Variants in TRPM6 observed in about 807,000 individuals in gnomAD.
TRPM6 encodes the protein channel kinase 2.
A neutral mutation model predicts 247.6 loss-of-function variants in TRPM6; 111 were observed. That is an observed-to-expected ratio of 0.45 (90% CI 0.38 to 0.52). TRPM6 has a LOEUF of 0.52. TRPM6 is among the 20% of genes least tolerant of loss of function. The pLI is 0.00. For missense variants in TRPM6, 2,126 were observed against 2,421.5 expected (o/e 0.88, Z 2.56); for synonymous variants, 892 against 853.8 (o/e 1.04, Z -0.78).
At position 74,827,854 on chromosome 9, in the gene TRPM6, G is replaced by C. The variant is rs753317607; in HGVS notation, c.765C>G (p.Thr255=). The change falls in exon 7 of 39, where the codon ACC becomes ACG. Residue 255 remains threonine, a synonymous_variant. Transcript: ENST00000360774. ...HSHFILSDDG[T]VGKYGNEMKL... ...TCATTTCATTTCCATACTTGCCCAC[G>C]GTCCCATCATCAGACAGGATGAAGT... 1.9e-5 allele frequency: 31 copies of C among 1,613,828 alleles called. No individual in the cohort carries two copies. The highest frequency in any genetic ancestry group is 2.3e-5 in the Non-Finnish European group (27 of 1,180,016).
chr9:74,774,930 A>C (rs1317268923), intron 24 of TRPM6, among the ~76,000 whole-genome samples: 1 of 152,224 alleles, frequency 6.6e-6, no homozygotes. Flanking sequence ...TTCAGTTTTC[A>C]GAGGTATTTT....
At chr9:74,772,171 C>T (rs1392889523) in intron 24 of TRPM6, among the ~76,000 whole-genome samples, 2 of 152,266 alleles carry the variant, frequency 1.3e-5, no homozygotes, top group South Asian at 2.1e-4. Flanking sequence ...CCCAGCTACA[C>T]AGGAAACTGA....
At chr9:74,815,168 A>C (rs1828883135) in intron 11 of TRPM6, among the ~76,000 whole-genome samples, 1 of 152,106 alleles carries the variant, frequency 6.6e-6, no homozygotes. Flanking sequence ...AAAACATATG[A>C]TTGCCAAGTT....
intron 1 of TRPM6, among the ~76,000 whole-genome samples, chr9:74,873,045 G>A (rs1222514019): frequency 2.0e-5 from 3 of 152,162 alleles, no homozygotes; most frequent in African/African-American, 4.8e-5. Flanking sequence ...AGCATTGCCT[G>A]CCACATCTTG....
intron 12 of TRPM6, 55 bp downstream of exon 12, chr9:74,812,244 T>C: frequency 3.1e-6 from 5 of 1,609,750 alleles, no homozygotes; most frequent in Non-Finnish European, 4.2e-6. Context: ...TGCTTGATGA[T>C]CCTTGCTCTT....
chr9:74,875,054 C>A (rs892544663), intron 1 of TRPM6, among the ~76,000 whole-genome samples: 3 of 151,990 alleles, frequency 2.0e-5, no homozygotes, highest in Non-Finnish European at 4.4e-5. Context: ...CATAAGCCAC[C>A]ATGCCTGGCC....
chr9:74,848,497 G>A (rs1262936757), intron 3 of TRPM6, among the ~76,000 whole-genome samples: 1 of 152,134 alleles, frequency 6.6e-6, no homozygotes, highest in Non-Finnish European at 1.5e-5. Flanking sequence ...CCCATAAATT[G>A]CTTTTTTTCT....
intron 1 of TRPM6, among the ~76,000 whole-genome samples, chr9:74,863,037 T>G (rs926512968): frequency 6.6e-6 from 1 of 151,804 alleles, no homozygotes; most frequent in Non-Finnish European, 1.5e-5. Flanking sequence ...TTTTGTTTTG[T>G]TTTTTGTTTG....
intron 3 of TRPM6, among the ~76,000 whole-genome samples, chr9:74,848,368 G>A (rs929013923): frequency 2.0e-5 from 3 of 152,126 alleles, no homozygotes; most frequent in Admixed American, 6.5e-5. Context: ...AGCCACTAAC[G>A]GGTGGGGAGC....
chr9:74,860,493 G>C (rs1830662338), intron 1 of TRPM6, among the ~76,000 whole-genome samples: 1 of 152,006 alleles, frequency 6.6e-6, no homozygotes, highest in Non-Finnish European at 1.5e-5. Context: ...TGAGTAGGTG[G>C]GATGATAGGC....
chr9:74,783,076 T>C (rs1017305749), intron 21 of TRPM6, among the ~76,000 whole-genome samples: 2 of 152,298 alleles, frequency 1.3e-5, no homozygotes, highest in Admixed American at 1.3e-4. Context: ...AATATAAATG[T>C]GCTGAGAGGA....
intron 30 of TRPM6, among the ~76,000 whole-genome samples, 165 bp from the exon 31 acceptor site, chr9:74,748,079 A>C (rs1826113345): frequency 6.6e-6 from 1 of 152,220 alleles, no homozygotes; most frequent in South Asian, 2.1e-4. Flanking sequence ...TTTGGTCAAC[A>C]ACAGACAGCA....
chr9:74,872,201 G>C (rs1287190112), intron 1 of TRPM6, among the ~76,000 whole-genome samples: 3 of 152,134 alleles, frequency 2.0e-5, no homozygotes, highest in Non-Finnish European at 4.4e-5. Context: ...GGCCAGGGTA[G>C]CCTTGAACTC....
chr9:74,756,731 C>A (rs182626594), intron 27 of TRPM6, among the ~76,000 whole-genome samples: 9 of 150,080 alleles, frequency 6.0e-5, no homozygotes, highest in Admixed American at 6.6e-5. Flanking sequence ...CACCTGTGGT[C>A]CCAGGTACTC....
intron 37 of TRPM6, among the ~76,000 whole-genome samples, chr9:74,728,782 C>T (rs1825422648): frequency 6.6e-6 from 1 of 152,146 alleles, no homozygotes; most frequent in East Asian, 1.9e-4. Context: ...GACATTGTTT[C>T]AAACCCAAAT....
intron 5 of TRPM6, among the ~76,000 whole-genome samples, chr9:74,834,596 T>C (rs747075949): frequency 6.6e-6 from 1 of 152,024 alleles, no homozygotes. Context: ...CTCCTAATGT[T>C]AGCCCTCCCC....
chr9:74,824,851 A>G (rs1829272069), intron 7 of TRPM6, among the ~76,000 whole-genome samples: 1 of 152,116 alleles, frequency 6.6e-6, no homozygotes. Context: ...GCTGAAAGCC[A>G]GGGATTCCTA....
intron 33 of TRPM6, 124 bp from the exon 34 acceptor site, chr9:74,740,133 C>T (rs1825817295): frequency 9.3e-7 from 1 of 1,077,098 alleles, no homozygotes; most frequent in Non-Finnish European, 1.4e-6. Context: ...ATGGGACTAG[C>T]AGGGAACAGA....
intron 11 of TRPM6, among the ~76,000 whole-genome samples, chr9:74,813,311 T>C (rs1828802324): frequency 6.6e-6 from 1 of 152,244 alleles, no homozygotes; most frequent in Non-Finnish European, 1.5e-5. Flanking sequence ...CAAGTCATAA[T>C]TGACTGAGCA....
Sources: allele counts gnomAD v4.1 joint callset (sites outside exome capture counted in the v4.1 genomes callset), GRCh38; gene constraint gnomAD v4.1.1; transcripts MANE v1.5; gene names NCBI Gene and HGNC (gene_info 2026-07-23, HGNC 2026-07-21).